ADCY2: variants seen among roughly 807,000 people sequenced by gnomAD.
ADCY2 encodes the protein adenylate cyclase type 2.
A neutral mutation model predicts 125.2 loss-of-function variants in ADCY2; 31 were observed. That is an observed-to-expected ratio of 0.25 (90% CI 0.19 to 0.33). The LOEUF (loss-of-function observed/expected upper bound fraction) is 0.33. Among genes scored for constraint, ADCY2 ranks in the 10% least tolerant of loss-of-function variants. The pLI, the probability that ADCY2 is intolerant of heterozygous loss-of-function variation, is 1.00. For missense variants in ADCY2, 904 were observed against 1,418.2 expected, an observed-to-expected ratio of 0.64 and a Z score of 5.82; for synonymous variants, 512 against 548.4, an observed-to-expected ratio of 0.93 and a Z score of 0.93.
intron 3 of ADCY2, among the ~76,000 whole-genome samples, chr5:7,521,484 A>G (rs1394421683): frequency 6.6e-6 from 1 of 152,206 alleles, no homozygotes; most frequent in Non-Finnish European, 1.5e-5. Flanking sequence ...ATTTCTAATT[A>G]TGTACACCTA....
chr5:7,777,754 A>G lies in ADCY2; in HGVS notation c.2384+4653A>G, dbSNP rs374673340. On this transcript the variant is annotated intron_variant, in intron 18 of 24. Transcript: ENST00000338316. ...ATGGAGTTGGCAGCGGAAAAAGGAGAAGTATGCACTAGAAAAACTTCGTAT... is the reference window on the plus strand; with the variant it reads ...ATGGAGTTGGCAGCGGAAAAAGGAGGAGTATGCACTAGAAAAACTTCGTAT... Among the ~76,000 whole-genome samples, 38 of 152,352 alleles carry G rather than the reference A, an allele frequency of 2.5e-4. No homozygotes were observed. In the East Asian group the frequency reaches 4.0e-3, roughly 16 times the overall value.
chr5:7,775,638 GCCTCAGCCTCCCA>G (rs1743698215), intron 18 of ADCY2, among the ~76,000 whole-genome samples: 1 of 151,952 alleles, frequency 6.6e-6, no homozygotes, highest in Non-Finnish European at 1.5e-5. Context: ...TGATCCACCT[GCCTCAGCCTCCCA>G]AAGTGCTGGG....
At chr5:7,764,527 G>A (rs1743324528) in intron 16 of ADCY2, among the ~76,000 whole-genome samples, 1 of 152,116 alleles carries the variant, frequency 6.6e-6, no homozygotes. Context: ...CAATACTAAA[G>A]CACCTGTTCA....
chr5:7,451,403 A>G (rs1311038786), intron 2 of ADCY2, among the ~76,000 whole-genome samples: 1 of 152,260 alleles, frequency 6.6e-6, no homozygotes, highest in Non-Finnish European at 1.5e-5. Context: ...AGCAAGAGAA[A>G]TGGAATCAGA....
intron 7 of ADCY2, among the ~76,000 whole-genome samples, chr5:7,700,601 TC>T (rs1741045989): frequency 6.6e-6 from 1 of 151,810 alleles, no homozygotes; most frequent in Admixed American, 6.6e-5. Flanking sequence ...TGAGAATACA[TC>T]AAGTCCTGTT....
intron 2 of ADCY2, among the ~76,000 whole-genome samples, chr5:7,426,194 G>A (rs1016193095): frequency 3.3e-5 from 5 of 152,226 alleles, no homozygotes; most frequent in African/African-American, 1.2e-4. Context: ...TCTAATAGGA[G>A]TTTTAGCCAG....
intron 2 of ADCY2, among the ~76,000 whole-genome samples, chr5:7,502,819 T>G (rs1743644114): frequency 6.6e-6 from 1 of 152,168 alleles, no homozygotes; most frequent in Non-Finnish European, 1.5e-5. Flanking sequence ...CCAGTGTCCT[T>G]GGATGTCAGT....
intron 3 of ADCY2, among the ~76,000 whole-genome samples, chr5:7,567,023 A>G (rs1360820360): frequency 1.3e-5 from 2 of 152,208 alleles, no homozygotes; most frequent in East Asian, 3.8e-4. Flanking sequence ...ATAGATACCT[A>G]CATTTGTGAG....
At chr5:7,480,607 G>A (rs1311356910) in intron 2 of ADCY2, among the ~76,000 whole-genome samples, 1 of 152,134 alleles carries the variant, frequency 6.6e-6, no homozygotes, top group African/African-American at 2.4e-5. Flanking sequence ...ATTGGAGGGT[G>A]AAGAGTGGGA....
Position 7,613,410 on chromosome 5 carries a change from C to T in ADCY2, c.571-12757C>T, listed in dbSNP as rs553128299. Reference sequence around the variant, plus strand: ...CACCAGCTGGTGGCACTAACCATCCCGCATTAGGGGAGACCCCAAAAGTTA... The same window carrying T: ...CACCAGCTGGTGGCACTAACCATCCTGCATTAGGGGAGACCCCAAAAGTTA... On this transcript the variant is annotated intron_variant, in intron 3 of 24. Transcript: ENST00000338316. 5.3e-5 allele frequency among the ~76,000 whole-genome samples: 8 copies of T among 152,256 alleles called. No individual in the cohort carries two copies. In the South Asian group the frequency reaches 8.3e-4, roughly 16 times the overall value.
intron 22 of ADCY2, among the ~76,000 whole-genome samples, chr5:7,810,463 T>G (rs1744902419): frequency 6.6e-6 from 1 of 152,020 alleles, no homozygotes; most frequent in African/African-American, 2.4e-5. Context: ...GTGGGTTTTC[T>G]GCTTGATTAG....
At chr5:7,805,229 G>A (rs1481291437) in intron 22 of ADCY2, among the ~76,000 whole-genome samples, 1 of 152,110 alleles carries the variant, frequency 6.6e-6, no homozygotes, top group Non-Finnish European at 1.5e-5. Flanking sequence ...GGCTGAGATG[G>A]GAGGATGGTT....
chr5:7,595,842 A>G (rs998194434), intron 3 of ADCY2, among the ~76,000 whole-genome samples: 1 of 152,140 alleles, frequency 6.6e-6, no homozygotes, highest in Non-Finnish European at 1.5e-5. Flanking sequence ...GGCATACTCT[A>G]TTGTTTAGGG....
intron 7 of ADCY2, among the ~76,000 whole-genome samples, chr5:7,703,588 CT>C (rs1741161850): frequency 6.6e-6 from 1 of 152,102 alleles, no homozygotes; most frequent in Non-Finnish European, 1.5e-5. Flanking sequence ...GTCTATATCT[CT>C]GTTTTCGTAC....
At chr5:7,626,436 C>T in intron 4 of ADCY2, 120 bp downstream of exon 4, 1 of 1,175,904 alleles carries the variant, frequency 8.5e-7, no homozygotes, top group Non-Finnish European at 1.2e-6. Flanking sequence ...GAGAAGAAAC[C>T]CTGGGCTCTG....
intron 4 of ADCY2, among the ~76,000 whole-genome samples, chr5:7,666,802 A>C (rs1270353340): frequency 6.6e-6 from 1 of 151,820 alleles, no homozygotes; most frequent in Non-Finnish European, 1.5e-5. Context: ...ATCCTCTCCC[A>C]CTGTGGGTCA....
rs1739051763 is a variant in ADCY2 at position 7,396,588 on chromosome 5, C to G, written c.210+82C>G. 2.5e-6 allele frequency: 3 copies of G among 1,217,260 alleles called. No homozygotes were observed. In the East Asian group the frequency reaches 1.0e-4, roughly 42 times the overall value. 75.4% of individuals were successfully genotyped at this position (1,217,260 alleles called of 1,614,324 possible). A position where few individuals can be genotyped will look rare whatever the true frequency, so the allele number is the denominator to read the frequency against. On this transcript the variant is annotated intron_variant, in intron 1 of 24. Transcript: ENST00000338316. This position sits in a 1 kb window ranked among gnomAD's most constrained non-coding sequence, Gnocchi z 5.7. ...CGGCCAGCCGAGCCGCGTCCCGCTC[C>G]GGGCTGCCCCTCGGCCCGCGGCAGC... is the stretch of plus-strand genomic sequence containing the variant.
chr5:7,442,797 A>G (rs6881726), intron 2 of ADCY2, among the ~76,000 whole-genome samples: 14,550 of 152,224 alleles, frequency 0.096, 893 homozygotes, highest in African/African-American at 0.17. Context: ...AACAACTGCT[A>G]ATTTTCAGAG....
chr5:7,654,611 A>G (rs1392582807), intron 4 of ADCY2, among the ~76,000 whole-genome samples: 3 of 151,966 alleles, frequency 2.0e-5, no homozygotes, highest in Non-Finnish European at 4.4e-5. Flanking sequence ...TTAGAGTTAT[A>G]TGTGTTTCTG....
Sources: gnomAD v4.1 joint callset for allele counts (sites outside exome capture counted in the v4.1 genomes callset) on GRCh38, gnomAD v4.1.1 for gene constraint, Gnocchi (gnomAD v3.1) non-coding constraint, MANE v1.5 for transcripts, NCBI Gene and HGNC (gene_info 2026-07-23, HGNC 2026-07-21) for gene names.